The following PIK3C3 variants were observed in gnomAD, a reference collection of about 807,000 sequenced individuals.
PIK3C3 encodes the protein PI3-kinase type 3.
A neutral mutation model predicts 126.1 loss-of-function variants in PIK3C3; 95 were observed. The observed-to-expected ratio is 0.75, with a 90% CI of 0.64 to 0.89. The LOEUF is 0.89. Among genes scored for constraint, PIK3C3 ranks in the 40% least tolerant of loss-of-function variants. The pLI, the probability that PIK3C3 is intolerant of heterozygous loss-of-function variation, is 0.00. For missense variants in PIK3C3, 829 were observed against 1,063.2 expected (o/e 0.78, Z 3.06); for synonymous variants, 374 against 360.0 (o/e 1.04, Z -0.44).
At chr18:42,018,924 A>G (rs1983197278) in intron 12 of PIK3C3, among the ~76,000 whole-genome samples, 1 of 152,162 alleles carries the variant, frequency 6.6e-6, no homozygotes, top group Admixed American at 6.5e-5. Context: ...CAAACCTCAG[A>G]TGAGCACTCA....
At position 42,040,580 on chromosome 18, in the gene PIK3C3, G is replaced by A. The variant is rs927265959; in HGVS notation, c.2039-97G>A. 28 of 784,890 alleles carry A rather than the reference G, an allele frequency of 3.6e-5. 1 individual carries two copies. Among genetic ancestry groups the A allele is most frequent in the Middle Eastern group, 2.4e-4 (1 of 4,240 alleles). The allele number at this position is 784,890 out of a possible 1,614,324, so 48.6% of individuals were successfully genotyped here. A position where few individuals can be genotyped will look rare whatever the true frequency, so the allele number is the denominator to read the frequency against. ...TTTTTAAGTTGTTCAGATATGGAATGCATTTATTCAGAGATGAGGATTATT... is the reference window on the plus strand; with the variant it reads ...TTTTTAAGTTGTTCAGATATGGAATACATTTATTCAGAGATGAGGATTATT... On this transcript the variant is annotated intron_variant, in intron 18 of 24. Coordinates refer to ENST00000262039, the MANE Select transcript of PIK3C3 (RefSeq NM_002647.4).
chr18:42,069,563 C>CT (rs1985691175), intron 24 of PIK3C3, among the ~76,000 whole-genome samples: 1 of 152,024 alleles, frequency 6.6e-6, no homozygotes, highest in Non-Finnish European at 1.5e-5. Context: ...TTATTTTTTT[C>CT]TTTTTTTAAG....
At chr18:41,988,911 G>A (rs141300594) in intron 5 of PIK3C3, among the ~76,000 whole-genome samples, 252 of 152,012 alleles carry the variant, frequency 1.7e-3, no homozygotes, top group African/African-American at 5.9e-3. Flanking sequence ...ATATCACTGG[G>A]TATAGAAAAC....
In PIK3C3 at chr18:42,083,336, G is replaced by T. The variant is rs1384965415; in HGVS notation, c.*2199G>T. 1 of 152,168 alleles carries T rather than the reference G, an allele frequency of 6.6e-6. No individual in the cohort carries two copies. The highest frequency in any genetic ancestry group is 2.4e-5 in the African/African-American group (1 of 41,438). 9.4% of individuals were successfully genotyped at this position (152,168 alleles called of 1,614,324 possible). A position where few individuals can be genotyped will look rare whatever the true frequency, so the allele number is the denominator to read the frequency against. ...TTCAAGCATGATGTTTTGAGTTTGA[G>T]AAATGTATTTGTGAGGACACATCAC... On this transcript the variant is annotated 3_prime_UTR_variant, in exon 25 of 25. Coordinates refer to ENST00000262039, the MANE Select transcript of PIK3C3 (RefSeq NM_002647.4).
intron 13 of PIK3C3, among the ~76,000 whole-genome samples, chr18:42,021,641 C>T (rs1270371233): frequency 1.3e-5 from 2 of 152,140 alleles, no homozygotes; most frequent in African/African-American, 4.8e-5. Context: ...CTAATCTAAT[C>T]TTACTGCTCA....
At chr18:42,065,289 G>A (rs1030483137) in intron 23 of PIK3C3, among the ~76,000 whole-genome samples, 10 of 152,232 alleles carry the variant, frequency 6.6e-5, no homozygotes, top group Admixed American at 5.9e-4. Context: ...AACACCCTGA[G>A]ATGACCCATG....
chr18:42,075,040 GTTC>G (rs1288134191), intron 24 of PIK3C3, among the ~76,000 whole-genome samples: 3 of 151,918 alleles, frequency 2.0e-5, no homozygotes, highest in Non-Finnish European at 4.4e-5. Context: ...TTTATATTTA[GTTC>G]TTCTTATTTT....
intron 13 of PIK3C3, among the ~76,000 whole-genome samples, chr18:42,024,596 C>T (rs1400421925): frequency 2.0e-5 from 3 of 151,714 alleles, no homozygotes; most frequent in South Asian, 2.1e-4. Context: ...CCACCAAGCC[C>T]GGCTAATTTT....
chr18:42,050,239 T>A lies in PIK3C3; in HGVS notation c.2263+634T>A, dbSNP rs555305008. On this transcript the variant is annotated intron_variant, in intron 21 of 24. Coordinates refer to ENST00000262039, the MANE Select transcript of PIK3C3 (RefSeq NM_002647.4). ...TTAGATTGTTAAAATGTCCTTTCTCTTACAAAGTGTGCTTAATTCACTTTA... is the reference window on the plus strand; with the variant it reads ...TTAGATTGTTAAAATGTCCTTTCTCATACAAAGTGTGCTTAATTCACTTTA... The A allele has an allele frequency of 7.2e-5, 11 of 152,314 alleles. No homozygotes were observed. In the East Asian group the frequency reaches 2.1e-3, roughly 29 times the overall value. 9.4% of individuals were successfully genotyped at this position (152,314 alleles called of 1,614,324 possible). A position where few individuals can be genotyped will look rare whatever the true frequency, so the allele number is the denominator to read the frequency against.
chr18:42,003,419 A>G (rs1006330699), intron 9 of PIK3C3, among the ~76,000 whole-genome samples: 1 of 152,068 alleles, frequency 6.6e-6, no homozygotes, highest in Admixed American at 6.6e-5. Flanking sequence ...CTTTTTATGG[A>G]AAGCAAGTAC....
rs552997261 is a variant in PIK3C3 at position 42,083,423 on chromosome 18, G to T, written c.*2286G>T. 3 of 152,270 alleles carry T rather than the reference G, an allele frequency of 2.0e-5. No individual in the cohort carries two copies. Among genetic ancestry groups the T allele is most frequent in the Admixed American group, 2.0e-4 (3 of 15,294 alleles). The allele number at this position is 152,270 out of a possible 1,614,324, so 9.4% of individuals were successfully genotyped here. A position where few individuals can be genotyped will look rare whatever the true frequency, so the allele number is the denominator to read the frequency against. ...TTATTCAGAGTGAGATTTCTGAGAG[G>T]AGAAGAGAGAATGTAGATGGCAGTT... On this transcript the variant is annotated 3_prime_UTR_variant, in exon 25 of 25. Transcript: ENST00000262039.
Position 42,084,849 on chromosome 18 carries a change from T to C in PIK3C3, c.*3712T>C, listed in dbSNP as rs1246414255. 6.6e-6 allele frequency: 1 copy of C among 152,220 alleles called. No individual in the cohort carries two copies. Among genetic ancestry groups the C allele is most frequent in the Admixed American group, 6.5e-5 (1 of 15,280 alleles). The allele number at this position is 152,220 out of a possible 1,614,324, so 9.4% of individuals were successfully genotyped here. ...AATCTGCAGGTGGGCCTTGTGAGTT[T>C]TCCCAGGGGATTCCGATGCCTGCTA... On this transcript the variant is annotated 3_prime_UTR_variant, in exon 25 of 25. Coordinates refer to ENST00000262039, the MANE Select transcript of PIK3C3 (RefSeq NM_002647.4).
intron 17 of PIK3C3, 102 bp downstream of exon 17, chr18:42,037,922 G>GGT (rs1984129912): frequency 9.0e-7 from 1 of 1,107,416 alleles, no homozygotes; most frequent in Non-Finnish European, 1.3e-6. Context: ...GTAACATTCA[G>GGT]GTACGATCCT....
intron 22 of PIK3C3, among the ~76,000 whole-genome samples, chr18:42,063,448 C>T (rs889012887): frequency 1.3e-5 from 2 of 152,104 alleles, no homozygotes; most frequent in African/African-American, 2.4e-5. Context: ...TATCAATTCC[C>T]ACAAAGAAAT....
intron 3 of PIK3C3, among the ~76,000 whole-genome samples, chr18:41,968,953 G>A (rs888280833): frequency 6.6e-6 from 1 of 151,824 alleles, no homozygotes; most frequent in Non-Finnish European, 1.5e-5. Context: ...AAAAACTACA[G>A]GCATATGCCA....
intron 13 of PIK3C3, among the ~76,000 whole-genome samples, chr18:42,021,470 T>C (rs1487392442): frequency 2.0e-5 from 3 of 152,230 alleles, no homozygotes; most frequent in East Asian, 1.9e-4. Flanking sequence ...GATTAAACAC[T>C]AGATAAGAGG....
At chr18:41,970,237 A>G in intron 3 of PIK3C3, 90 bp from the exon 4 acceptor site, 3 of 1,086,296 alleles carry the variant, frequency 2.8e-6, no homozygotes, top group South Asian at 1.4e-5. Context: ...ATTTCCATGT[A>G]TAGAATTCTC....
chr18:41,988,117 A>G (rs554712475), intron 5 of PIK3C3, among the ~76,000 whole-genome samples: 6 of 150,686 alleles, frequency 4.0e-5, no homozygotes, highest in South Asian at 2.1e-4. Context: ...TGGATATTCA[A>G]AGATGTTCTA....
chr18:41,966,885 A>G (rs578119022), intron 3 of PIK3C3, among the ~76,000 whole-genome samples: 1 of 152,192 alleles, frequency 6.6e-6, no homozygotes, highest in Non-Finnish European at 1.5e-5. Flanking sequence ...AAACATAACT[A>G]ACATAACGTA....
Sources: gnomAD v4.1 joint callset for allele counts (sites outside exome capture counted in the v4.1 genomes callset) on GRCh38, gnomAD v4.1.1 for gene constraint, MANE v1.5 for transcripts, NCBI Gene and HGNC (gene_info 2026-07-23, HGNC 2026-07-21) for gene names.